The following ZNF704 variants were observed in gnomAD, a reference collection of about 807,000 sequenced individuals.
ZNF704 encodes glucocorticoid induced gene 1.
Under a neutral mutation model 44.7 loss-of-function variants are expected in ZNF704, and 10 were observed. The observed-to-expected ratio is 0.22, with a 90% CI of 0.14 to 0.38. ZNF704 has a LOEUF of 0.38. Among genes scored for constraint, ZNF704 ranks in the 10% least tolerant of loss-of-function variants. ZNF704 has a pLI of 1.00. For missense variants in ZNF704, 390 were observed against 545.5 expected (o/e 0.71, Z 2.84); for synonymous variants, 211 against 207.6 (o/e 1.02, Z -0.14).
intron 3 of ZNF704, among the ~76,000 whole-genome samples, chr8:80,692,374 G>A (rs1818652715): frequency 6.6e-6 from 1 of 152,162 alleles, no homozygotes; most frequent in Non-Finnish European, 1.5e-5. Flanking sequence ...AGGCGATAAG[G>A]CAAGCATAGT....
intron 2 of ZNF704, among the ~76,000 whole-genome samples, chr8:80,722,530 T>C (rs187359691): frequency 1.2e-4 from 18 of 152,304 alleles, no homozygotes; most frequent in African/African-American, 4.3e-4. Context: ...TGATTTAAAG[T>C]GAAACAAGAA....
At chr8:80,707,361 CCA>C (rs1229979009) in intron 2 of ZNF704, among the ~76,000 whole-genome samples, 1 of 151,994 alleles carries the variant, frequency 6.6e-6, no homozygotes, top group African/African-American at 2.4e-5. Flanking sequence ...AGAGGTGGGT[CCA>C]CATTAATGAG....
chr8:80,659,714 C>T (rs1473427748), intron 6 of ZNF704, 25 bp from the exon 7 acceptor site: 2 of 1,605,478 alleles, frequency 1.2e-6, no homozygotes, highest in Admixed American at 1.7e-5. Context: ...ACAGAGAAAG[C>T]TGTTATGAAG....
chr8:80,651,176 T>G (rs558268157), intron 7 of ZNF704, among the ~76,000 whole-genome samples: 1,734 of 152,196 alleles, frequency 0.011, 30 homozygotes, highest in African/African-American at 0.039. Flanking sequence ...GTGCTAAACA[T>G]GGAAAGGAAC....
chr8:80,659,473 C>T (rs1020010774), intron 7 of ZNF704, 112 bp downstream of exon 7: 4 of 845,006 alleles, frequency 4.7e-6, no homozygotes, highest in Non-Finnish European at 8.0e-6. Flanking sequence ...AAATATAGTA[C>T]TTCTGGCATT....
At chr8:80,875,243 G>T (rs147841502), upstream of ZNF704, among the ~76,000 whole-genome samples, 5 of 152,054 alleles carry the variant, frequency 3.3e-5, no homozygotes, top group African/African-American at 9.7e-5. Flanking sequence ...TTGCTATTGC[G>T]TGGGGTTAGG....
chr8:80,809,430 T>C (rs1234357281), intron 2 of ZNF704, among the ~76,000 whole-genome samples: 1 of 152,196 alleles, frequency 6.6e-6, no homozygotes, highest in Non-Finnish European at 1.5e-5. Context: ...GCAGCAACGT[T>C]ACGCAAATCT....
chr8:80,842,743 C>T (rs1329406806), intron 1 of ZNF704, among the ~76,000 whole-genome samples: 4 of 152,206 alleles, frequency 2.6e-5, no homozygotes, highest in African/African-American at 9.7e-5. Context: ...TCCTATTATA[C>T]TTCCTTAGCT....
chr8:80,775,898 G>A (rs1221958640), intron 2 of ZNF704, among the ~76,000 whole-genome samples: 1 of 152,066 alleles, frequency 6.6e-6, no homozygotes, highest in Non-Finnish European at 1.5e-5. Flanking sequence ...TAAAAATGTT[G>A]GTAAGAAGAA....
At chr8:80,866,344 T>C (rs1231526034) in intron 1 of ZNF704, among the ~76,000 whole-genome samples, 1 of 152,194 alleles carries the variant, frequency 6.6e-6, no homozygotes, top group Non-Finnish European at 1.5e-5. Flanking sequence ...AGAAGGCCTA[T>C]TTACTGTTGT....
At chr8:80,805,885 C>T (rs1586040822) in intron 2 of ZNF704, among the ~76,000 whole-genome samples, 1 of 152,182 alleles carries the variant, frequency 6.6e-6, no homozygotes, top group African/African-American at 2.4e-5. Context: ...ACACTGGTTG[C>T]ATTGATCTCT....
the ZNF704 span, among the ~76,000 whole-genome samples, chr8:80,881,563 C>T: frequency 6.6e-6 from 1 of 152,122 alleles, no homozygotes; most frequent in Non-Finnish European, 1.5e-5. Flanking sequence ...ACCTGCTAAC[C>T]TCTGGGGAGG....
chr8:80,756,456 A>G (rs1018019394), intron 2 of ZNF704, among the ~76,000 whole-genome samples: 6 of 152,220 alleles, frequency 3.9e-5, no homozygotes, highest in Non-Finnish European at 8.8e-5. Context: ...TTGAGACTAT[A>G]AGCTTAAGGG....
In ZNF704 at chr8:80,826,436, C is replaced by G. The variant is rs888558749; in HGVS notation, c.-21-4821G>C. Among the ~76,000 whole-genome samples the G allele has an allele frequency of 5.3e-5, 8 of 151,520 alleles. No individual in the cohort carries two copies. The East Asian group carries it at 1.5e-3, about 29-fold the overall frequency. On this transcript the variant is annotated intron_variant, in intron 1 of 8. Coordinates refer to ENST00000327835, the MANE Select transcript of ZNF704 (RefSeq NM_001033723.3). The stretch of plus-strand genomic sequence containing the variant: ...GGCTCTGAAATTGACGCAATAATAG[C>G]CTACAAACCAAAAAAAGTCCAGGAA...
intron 7 of ZNF704, among the ~76,000 whole-genome samples, chr8:80,657,678 G>A (rs1269832177): frequency 4.8e-5 from 7 of 145,290 alleles, no homozygotes; most frequent in Non-Finnish European, 8.9e-5. Context: ...GTCATGGACT[G>A]AGACCCTGTT....
chr8:80,784,992 G>A (rs1807591877), intron 2 of ZNF704, among the ~76,000 whole-genome samples: 2 of 152,094 alleles, frequency 1.3e-5, no homozygotes, highest in Non-Finnish European at 2.9e-5. Context: ...CACAACTAAT[G>A]AAACAATATT....
intron 2 of ZNF704, among the ~76,000 whole-genome samples, chr8:80,737,127 G>A (rs1806681027): frequency 6.6e-6 from 1 of 152,136 alleles, no homozygotes; most frequent in Admixed American, 6.5e-5. Context: ...TGCTAACCAT[G>A]TTTCATCTCA....
At chr8:80,846,822 CA>C (rs1440918772) in intron 1 of ZNF704, among the ~76,000 whole-genome samples, 1 of 152,102 alleles carries the variant, frequency 6.6e-6, no homozygotes, top group Non-Finnish European at 1.5e-5. Context: ...GATCAACATA[CA>C]AAAAACAGTC....
chr8:80,849,952 A>G (rs1414996815), intron 1 of ZNF704, among the ~76,000 whole-genome samples: 1 of 152,260 alleles, frequency 6.6e-6, no homozygotes, highest in Non-Finnish European at 1.5e-5. Flanking sequence ...CACTATGTGC[A>G]TAACACTGAG....
Sources: gnomAD v4.1 joint callset for allele counts (sites outside exome capture counted in the v4.1 genomes callset) on GRCh38, gnomAD v4.1.1 for gene constraint, MANE v1.5 for transcripts, NCBI Gene and HGNC (gene_info 2026-07-23, HGNC 2026-07-21) for gene names.